Variants in PIGK observed in about 807,000 individuals in gnomAD.
PIGK encodes GPI-anchor transamidase.
In PIGK, 42 loss-of-function variants were observed where a neutral mutation model predicts 50.6. The observed-to-expected ratio is 0.83, with a 90% CI of 0.65 to 1.07. The LOEUF (loss-of-function observed/expected upper bound fraction) is 1.07, where lower values mean the gene tolerates loss of function less well. Ranked by LOEUF, PIGK falls within the 50% of genes least tolerant of loss-of-function variation. PIGK has a pLI of 0.00. For missense variants in PIGK, 448 were observed against 488.7 expected (o/e 0.92, Z 0.78); for synonymous variants, 151 against 156.0 (o/e 0.97, Z 0.24).
At chr1:77,097,279 G>A (rs1178208757) in intron 10 of PIGK, among the ~76,000 whole-genome samples, 1 of 152,080 alleles carries the variant, frequency 6.6e-6, no homozygotes, top group Non-Finnish European at 1.5e-5. Flanking sequence ...CTGCCACCAT[G>A]CCAGGAATTG....
At chr1:77,204,750 C>T (rs1477581876) in intron 3 of PIGK, among the ~76,000 whole-genome samples, 1 of 152,056 alleles carries the variant, frequency 6.6e-6, no homozygotes, top group Non-Finnish European at 1.5e-5. Flanking sequence ...TATTCTAACA[C>T]TAGACTAACA....
At chr1:77,142,954 G>A (rs1486381634) in intron 9 of PIGK, among the ~76,000 whole-genome samples, 2 of 152,010 alleles carry the variant, frequency 1.3e-5, no homozygotes, top group South Asian at 4.1e-4. Flanking sequence ...GCACTAGGAG[G>A]GGGCAATTTG....
chr1:77,149,586 T>C (rs557551249), intron 9 of PIGK, among the ~76,000 whole-genome samples: 4 of 152,212 alleles, frequency 2.6e-5, no homozygotes, highest in African/African-American at 9.6e-5. Context: ...ATTGCAGTAT[T>C]ACCCAAATAT....
intron 10 of PIGK, among the ~76,000 whole-genome samples, chr1:77,117,147 A>C (rs1415379873): frequency 6.6e-6 from 1 of 152,160 alleles, no homozygotes; most frequent in Non-Finnish European, 1.5e-5. Flanking sequence ...CTCAGGATGC[A>C]CTTCACCATA....
intron 3 of PIGK, among the ~76,000 whole-genome samples, chr1:77,180,096 C>G (rs1347591420): frequency 1.3e-5 from 2 of 151,776 alleles, no homozygotes; most frequent in Admixed American, 6.6e-5. Flanking sequence ...GTTTTTGTAT[C>G]TTATTAAAAT....
intron 1 of PIGK, among the ~76,000 whole-genome samples, chr1:77,214,949 G>GA (rs1284125921): frequency 6.6e-6 from 1 of 151,992 alleles, no homozygotes; most frequent in African/African-American, 2.4e-5. Context: ...ACCAAGAAGT[G>GA]AAAAATCTCT....
chr1:77,175,039 C>G (rs1655451536), intron 3 of PIGK, among the ~76,000 whole-genome samples: 3 of 152,008 alleles, frequency 2.0e-5, no homozygotes, highest in African/African-American at 7.2e-5. Flanking sequence ...AAGAAGAAAC[C>G]ATAAAGCTTT....
intron 10 of PIGK, among the ~76,000 whole-genome samples, chr1:77,119,014 C>T (rs1267454951): frequency 2.6e-5 from 4 of 152,156 alleles, no homozygotes; most frequent in Admixed American, 2.6e-4. Flanking sequence ...TTCACTCCTC[C>T]ATGTGTTCCA....
At chr1:77,133,752 T>C (rs1038845181) in intron 9 of PIGK, among the ~76,000 whole-genome samples, 9 of 152,180 alleles carry the variant, frequency 5.9e-5, no homozygotes, top group African/African-American at 2.2e-4. Context: ...ATTCTAATGG[T>C]GAGGCCCTTC....
At chr1:77,196,514 A>T (rs1320766789) in intron 3 of PIGK, among the ~76,000 whole-genome samples, 3 of 151,948 alleles carry the variant, frequency 2.0e-5, no homozygotes, top group Non-Finnish European at 4.4e-5. Context: ...AGTCATTCTG[A>T]CTGGTGTGAG....
intron 9 of PIGK, among the ~76,000 whole-genome samples, chr1:77,138,145 T>C (rs1418203126): frequency 6.6e-6 from 1 of 152,190 alleles, no homozygotes; most frequent in Non-Finnish European, 1.5e-5. Context: ...GGTTATGTTA[T>C]ATGACAAAAG....
At chr1:77,114,515 G>A (rs1653920860) in intron 10 of PIGK, among the ~76,000 whole-genome samples, 1 of 151,986 alleles carries the variant, frequency 6.6e-6, no homozygotes, top group Non-Finnish European at 1.5e-5. Context: ...TATGACTAGT[G>A]ACACAATTTC....
chr1:77,203,101 C>T (rs973848141), intron 3 of PIGK, among the ~76,000 whole-genome samples: 14 of 151,980 alleles, frequency 9.2e-5, no homozygotes, highest in African/African-American at 2.2e-4. Flanking sequence ...ACTGTGCAAA[C>T]GAAGAAAATA....
rs761238755 is a variant in PIGK, at chr1:77,218,251, T to C, written c.93+1059A>G. Among the ~76,000 whole-genome samples the C allele has an allele frequency of 8.2e-4, 125 of 152,160 alleles. 1 individual carries two copies. Among genetic ancestry groups the C allele is most frequent in the Admixed American group, 2.1e-3 (32 of 15,276 alleles). On this transcript the variant is annotated intron_variant, in intron 1 of 10. Transcript: ENST00000370812. ...ATTAATAAATATTTAAAAGATTTCA[T>C]CAGAAGAATAACCTGATCAGGCTTA...
At chr1:77,197,444 G>A (rs1656061860) in intron 3 of PIGK, among the ~76,000 whole-genome samples, 1 of 152,160 alleles carries the variant, frequency 6.6e-6, no homozygotes, top group South Asian at 2.1e-4. Context: ...CAAAGCAGTT[G>A]TTCTACAGAC....
chr1:77,166,660 C>T, intron 5 of PIGK, 59 bp downstream of exon 5: 1 of 817,138 alleles, frequency 1.2e-6, no homozygotes, highest in South Asian at 1.8e-5. Context: ...TTCCATTTGC[C>T]TTTCTTTTCA....
intron 9 of PIGK, among the ~76,000 whole-genome samples, chr1:77,136,124 T>C (rs961203980): frequency 4.6e-5 from 7 of 152,194 alleles, no homozygotes; most frequent in Non-Finnish European, 7.4e-5. Flanking sequence ...TATTTTTCAT[T>C]CAGTCCTTAA....
chr1:77,214,395 A>G (rs1656499626), intron 1 of PIGK, among the ~76,000 whole-genome samples: 1 of 152,198 alleles, frequency 6.6e-6, no homozygotes, highest in Non-Finnish European at 1.5e-5. Context: ...AAAATGAAGG[A>G]CAAAAAACAT....
At chr1:77,219,198 G>T (rs912850534) in intron 1 of PIGK, 112 bp downstream of exon 1, 11 of 810,394 alleles carry the variant, frequency 1.4e-5, no homozygotes, top group African/African-American at 3.4e-5. Flanking sequence ...ACCCAGCCTG[G>T]GTCAGGGGCT....
Sources: allele counts gnomAD v4.1 joint callset (sites outside exome capture counted in the v4.1 genomes callset), GRCh38; gene constraint gnomAD v4.1.1; transcripts MANE v1.5; gene names NCBI Gene and HGNC (gene_info 2026-07-23, HGNC 2026-07-21).